The following PCDHGA3 variants were observed in gnomAD, a reference collection of about 807,000 sequenced individuals.
PCDHGA3 encodes the protein protocadherin gamma-A3.
Under a neutral mutation model 58.5 loss-of-function variants are expected in PCDHGA3, and 40 were observed. That is an observed-to-expected ratio of 0.68 (90% CI 0.53 to 0.89). The LOEUF (loss-of-function observed/expected upper bound fraction) is 0.89, where lower values mean the gene tolerates loss of function less well. PCDHGA3 is among the 40% of genes least tolerant of loss of function. PCDHGA3 has a pLI of 0.00. For synonymous variants in PCDHGA3, 530 were observed against 525.7 expected (o/e 1.01, Z -0.11); for missense variants, 1,223 against 1,195.9 (o/e 1.02, Z -0.33).
At chr5:141,423,034 G>A (rs769232324) in intron 1 of PCDHGA3, 1 of 1,614,200 alleles carries the variant, frequency 6.2e-7, no homozygotes, top group Non-Finnish European at 8.5e-7. Context: ...AGGCCAGAAC[G>A]CCTGGCTGTC....
In PCDHGA3 at chr5:141,487,678, C is replaced by T. The variant is rs1416406108; in HGVS notation, c.2425-7129C>T. ...ATTCTGATCCAGGCATATGGCTAGG[C>T]CATGTCCTAGAGAGTACTGGCCTCT... On this transcript the variant is annotated intron_variant, in intron 1 of 3. Transcript: ENST00000253812. The surrounding 1 kb of genome is among the most constrained non-coding windows in gnomAD (Gnocchi z 5.0). 6.2e-7 allele frequency: 1 copy of T among 1,609,696 alleles called. No individual in the cohort carries two copies. Among genetic ancestry groups the T allele is most frequent in the South Asian group, 1.1e-5 (1 of 90,230 alleles).
intron 1 of PCDHGA3, chr5:141,384,851 A>G (rs1460277994): frequency 1.9e-6 from 3 of 1,613,516 alleles, no homozygotes; most frequent in East Asian, 2.2e-5. Flanking sequence ...GACCACGGTC[A>G]GCCTCCTCTG....
Position 141,431,500 on chromosome 5 carries a change from C to T in PCDHGA3, c.2425-63307C>T, listed in dbSNP as rs903027252. On this transcript the variant is annotated intron_variant, in intron 1 of 3. Transcript: ENST00000253812. This position sits in a 1 kb window ranked among gnomAD's most constrained non-coding sequence, Gnocchi z 4.8. ...CACCAGCGTTTGCTCAGCCCGAGTACCGCGCGAGCGTTCCGGAGAATCTGG... is the reference window on the plus strand; with the variant it reads ...CACCAGCGTTTGCTCAGCCCGAGTATCGCGCGAGCGTTCCGGAGAATCTGG... The T allele has an allele frequency of 4.4e-5, 71 of 1,613,894 alleles. No individual in the cohort carries two copies. The highest frequency in any genetic ancestry group is 5.9e-5 in the Non-Finnish European group (70 of 1,180,050).
intron 1 of PCDHGA3, among the ~76,000 whole-genome samples, chr5:141,347,821 T>G (rs931983168): frequency 2.0e-5 from 3 of 151,468 alleles, no homozygotes; most frequent in Non-Finnish European, 4.4e-5. Context: ...GGTCAAATGG[T>G]TTTACCTATA....
In PCDHGA3 at chr5:141,500,527, A is replaced by C. The variant is rs937551961; in HGVS notation, c.2484-4866A>C. On this transcript the variant is annotated intron_variant, in intron 2 of 3. Transcript: ENST00000253812. ...CCTGGCCGAGCTTCATTTTAAAAAA[A>C]TCTCATTCACCTAAATAAGTTGTTC... is the stretch of plus-strand genomic sequence containing the variant. 5.9e-5 allele frequency among the ~76,000 whole-genome samples: 9 copies of C among 152,298 alleles called. No individual in the cohort carries two copies. The South Asian group carries it at 6.2e-4, about 11-fold the overall frequency.
intron 1 of PCDHGA3, chr5:141,362,273 T>G (rs1762411224): frequency 1.2e-6 from 2 of 1,613,954 alleles, no homozygotes; most frequent in Non-Finnish European, 8.5e-7. Context: ...GCAATCTCCC[T>G]GCGCCTGCGA....
rs566234229 is a variant in PCDHGA3, at chr5:141,351,445, G to A, written c.2424+4988G>A. On this transcript the variant is annotated intron_variant, in intron 1 of 3. Coordinates refer to ENST00000253812, the MANE Select transcript of PCDHGA3 (RefSeq NM_018916.4). Reference sequence around the variant, plus strand: ...CTTTCAAATTAGAATCCACCTCGAAGAATTATTACAAGCTGGTGATTGCTG... The same window carrying A: ...CTTTCAAATTAGAATCCACCTCGAAAAATTATTACAAGCTGGTGATTGCTG... 6.8e-6 allele frequency: 11 copies of A among 1,612,822 alleles called. No individual in the cohort carries two copies. In the Admixed American group the frequency reaches 1.8e-4, roughly 27 times the overall value.
At position 141,418,475 on chromosome 5, in the gene PCDHGA3, A is replaced by G; in HGVS notation, c.2424+72018A>G. On this transcript the variant is annotated intron_variant, in intron 1 of 3. Transcript: ENST00000253812. The stretch of plus-strand genomic sequence containing the variant: ...GAAGACTCTGGACCGAGAAACGCAG[A>G]GCGCTCACCACTTGGTACTGACCGC... 3 of 1,614,000 alleles carry G rather than the reference A, an allele frequency of 1.9e-6. No individual in the cohort carries two copies. Among genetic ancestry groups the G allele is most frequent in the Non-Finnish European group, 2.5e-6 (3 of 1,179,892 alleles).
rs768767029 is a variant in PCDHGA3, at chr5:141,477,838, G to A, written c.2425-16969G>A. The A allele has an allele frequency of 6.2e-7, 1 of 1,612,892 alleles. No individual in the cohort carries two copies. The highest frequency in any genetic ancestry group is 1.1e-5 in the South Asian group (1 of 90,982). ...AGGTCCTATATCCTCGGCCAGGTGG[G>A]AGCTCGGTGGAGATGCTGCCTCGAG... On this transcript the variant is annotated intron_variant, in intron 1 of 3. Transcript: ENST00000253812. This position sits in a 1 kb window ranked among gnomAD's most constrained non-coding sequence, Gnocchi z 4.9.
chr5:141,456,814 ATTAGCCATCGTGG>A (rs2098889077), intron 1 of PCDHGA3, among the ~76,000 whole-genome samples: 1 of 151,928 alleles, frequency 6.6e-6, no homozygotes, highest in Non-Finnish European at 1.5e-5. Context: ...AATACAAAAA[ATTAGCCATCGTGG>A]TAGTGGGCGC....
intron 2 of PCDHGA3, 91 bp from the exon 3 acceptor site, chr5:141,505,302 G>C: frequency 6.3e-7 from 1 of 1,592,714 alleles, no homozygotes. Context: ...TAGGGTTAGG[G>C]TACTAGGTTT....
chr5:141,493,250 C>T lies in PCDHGA3; in HGVS notation c.2425-1557C>T, dbSNP rs1330348553. On this transcript the variant is annotated intron_variant, in intron 1 of 3. Coordinates refer to ENST00000253812, the MANE Select transcript of PCDHGA3 (RefSeq NM_018916.4). The surrounding 1 kb of genome is among the most constrained non-coding windows in gnomAD (Gnocchi z 4.3). ...TGCTGTTGGCTAGGTACTAACATGC[C>T]TCTCTTATAACAGCTTCACAGAGGT... Among the ~76,000 whole-genome samples the T allele has an allele frequency of 1.3e-5, 2 of 152,154 alleles. No homozygotes were observed. Among genetic ancestry groups the T allele is most frequent in the Non-Finnish European group, 2.9e-5 (2 of 68,024 alleles).
At chr5:141,352,562 C>A (rs1759045712) in intron 1 of PCDHGA3, 2 of 1,613,944 alleles carry the variant, frequency 1.2e-6, no homozygotes, top group African/African-American at 2.7e-5. Context: ...CAACCTGACA[C>A]CGGAAATGGC....
In PCDHGA3 at chr5:141,418,814, A is replaced by G. The variant is rs2096290321; in HGVS notation, c.2424+72357A>G. ...AGAAGTAGAAAGATATACGATAAACATAGAAGCAAAAGACCGAGGATCTCT... is the reference window on the plus strand; with the variant it reads ...AGAAGTAGAAAGATATACGATAAACGTAGAAGCAAAAGACCGAGGATCTCT... On this transcript the variant is annotated intron_variant, in intron 1 of 3. Transcript: ENST00000253812. The G allele has an allele frequency of 6.2e-7, 1 of 1,613,962 alleles. No individual in the cohort carries two copies.
chr5:141,482,546 A>G (rs1489817593), intron 1 of PCDHGA3, among the ~76,000 whole-genome samples: 1 of 151,868 alleles, frequency 6.6e-6, no homozygotes, highest in Non-Finnish European at 1.5e-5. Context: ...AAAAAAAAAA[A>G]AAAGATAATG....
At chr5:141,395,485 T>C (rs2093239128) in intron 1 of PCDHGA3, 2 of 522,170 alleles carry the variant, frequency 3.8e-6, no homozygotes, top group Non-Finnish European at 6.6e-6. Context: ...TTATTCCTAT[T>C]ATCACTCATT....
rs200109132 is a variant in PCDHGA3 at position 141,365,789 on chromosome 5, G to T, written c.2424+19332G>T. The T allele has an allele frequency of 1.4e-3, 2,225 of 1,613,896 alleles. 4 individuals carry two copies. Among genetic ancestry groups the T allele is most frequent in the Non-Finnish European group, 1.6e-3 (1,930 of 1,179,890 alleles). On this transcript the variant is annotated intron_variant, in intron 1 of 3. Transcript: ENST00000253812. ...CCCCGACAGCGGCGACAACGCTCGA[G>T]TCACCTACTCCCTGGCTGAAGACAC...
chr5:141,364,658 G>A, intron 1 of PCDHGA3: 1 of 1,614,020 alleles, frequency 6.2e-7, no homozygotes, highest in South Asian at 1.1e-5. Context: ...TAACATCTTG[G>A]TTGAGAACAA....
intron 1 of PCDHGA3, among the ~76,000 whole-genome samples, chr5:141,450,082 C>T (rs2098668421): frequency 6.8e-6 from 1 of 147,384 alleles, no homozygotes. Context: ...TCTTGGCTCA[C>T]TGCAACCTCC....
Sources: gnomAD v4.1 joint callset for allele counts (sites outside exome capture counted in the v4.1 genomes callset) on GRCh38, gnomAD v4.1.1 for gene constraint, Gnocchi (gnomAD v3.1) non-coding constraint, MANE v1.5 for transcripts, NCBI Gene and HGNC (gene_info 2026-07-23, HGNC 2026-07-21) for gene names.